The following ASIC2 variants were observed in gnomAD, a reference collection of about 807,000 sequenced individuals.
The protein encoded by ASIC2 is acid sensing ion channel subunit 2.
In ASIC2, 25 loss-of-function variants were observed where a neutral mutation model predicts 57.3. The observed-to-expected ratio is 0.44, with a 90% CI of 0.32 to 0.61. ASIC2 has a LOEUF of 0.61. Among genes scored for constraint, ASIC2 ranks in the 20% least tolerant of loss-of-function variants. ASIC2 has a pLI of 0.06. For synonymous variants in ASIC2, 319 were observed against 307.5 expected, an observed-to-expected ratio of 1.04 and a Z score of -0.39; for missense variants, 641 against 738.1, an observed-to-expected ratio of 0.87 and a Z score of 1.52.
chr17:33,962,029 C>G (rs144933478), intron 1 of ASIC2, among the ~76,000 whole-genome samples: 2 of 152,146 alleles, frequency 1.3e-5, no homozygotes, highest in African/African-American at 4.8e-5. Flanking sequence ...GAGGACCTCA[C>G]GGCAGTTCCT....
intron 1 of ASIC2, among the ~76,000 whole-genome samples, chr17:34,021,583 T>C (rs1907159848): frequency 1.3e-5 from 2 of 152,188 alleles, no homozygotes; most frequent in Admixed American, 6.5e-5. Flanking sequence ...GAGGAAACTC[T>C]TGTTCCCTTG....
At chr17:34,014,043 C>T (rs541537224) in intron 1 of ASIC2, among the ~76,000 whole-genome samples, 2 of 152,262 alleles carry the variant, frequency 1.3e-5, no homozygotes, top group African/African-American at 4.8e-5. Flanking sequence ...GGGAGTCTCC[C>T]CTTCCTTTTC....
chr17:33,318,492 C>G (rs1287656153), intron 1 of ASIC2, among the ~76,000 whole-genome samples: 1 of 152,174 alleles, frequency 6.6e-6, no homozygotes, highest in African/African-American at 2.4e-5. Context: ...GCTGCCCTCC[C>G]TCGTTTGGGT....
intron 1 of ASIC2, among the ~76,000 whole-genome samples, chr17:33,733,160 C>G (rs1002196242): frequency 6.6e-6 from 1 of 152,160 alleles, no homozygotes; most frequent in African/African-American, 2.4e-5. Context: ...ACCCTGTCCC[C>G]TCACTTCTGA....
At chr17:33,208,936 C>T (rs967856551) in intron 1 of ASIC2, among the ~76,000 whole-genome samples, 6 of 152,154 alleles carry the variant, frequency 3.9e-5, no homozygotes, top group Admixed American at 3.9e-4. Flanking sequence ...GGTTGCCTTC[C>T]TTTCCTGTCT....
chr17:33,868,978 T>C (rs547598766), intron 1 of ASIC2, among the ~76,000 whole-genome samples: 1 of 152,092 alleles, frequency 6.6e-6, no homozygotes, highest in Non-Finnish European at 1.5e-5. Context: ...GGTTGGAGGA[T>C]CACTTGAGCC....
chr17:33,539,880 G>A lies in ASIC2; in HGVS notation c.556-427813C>T, dbSNP rs144939821. 5.4e-3 allele frequency among the ~76,000 whole-genome samples: 819 copies of A among 152,286 alleles called. 5 individuals are homozygous for A. Among genetic ancestry groups the A allele is most frequent in the African/African-American group, 0.019 (778 of 41,554 alleles). On this transcript the variant is annotated intron_variant, in intron 1 of 9. Coordinates refer to the ASIC2 transcript ENST00000359872. ...GAATGAGTGACAAGGGACTTCTGTC[G>A]AAAAGGTGCTATCCAGGCTGAGGAG...
chr17:33,245,009 G>T (rs1908641252), intron 1 of ASIC2, among the ~76,000 whole-genome samples: 1 of 152,146 alleles, frequency 6.6e-6, no homozygotes, highest in Non-Finnish European at 1.5e-5. Flanking sequence ...GTCACGTGGG[G>T]GTGTTTTTAG....
At chr17:33,063,302 G>C (rs1295772216) in intron 3 of ASIC2, among the ~76,000 whole-genome samples, 1 of 152,200 alleles carries the variant, frequency 6.6e-6, no homozygotes, top group East Asian at 1.9e-4. Context: ...GCTGGTACCA[G>C]CTGTTCCTTT....
In ASIC2 at chr17:33,830,147, T is replaced by A. The variant is rs375706765; in HGVS notation, c.555+325831A>T. ...CTTATAATTAAGCTGAAATCTGGCTTCCTCAGATTTTTTTTTCTTGGCTTG... is the reference window on the plus strand; with the variant it reads ...CTTATAATTAAGCTGAAATCTGGCTACCTCAGATTTTTTTTTCTTGGCTTG... On this transcript the variant is annotated intron_variant, in intron 1 of 9. Transcript: ENST00000359872. 5.3e-5 allele frequency among the ~76,000 whole-genome samples: 8 copies of A among 152,284 alleles called. No individual in the cohort carries two copies. In the East Asian group the frequency reaches 1.5e-3, roughly 29 times the overall value.
intron 1 of ASIC2, among the ~76,000 whole-genome samples, chr17:33,804,931 G>T (rs1310864427): frequency 9.3e-5 from 14 of 151,236 alleles, no homozygotes; most frequent in Admixed American, 9.2e-4. Context: ...ATCTGATTAG[G>T]CTCTGTATCC....
chr17:33,674,716 G>A (rs577486273), intron 1 of ASIC2, among the ~76,000 whole-genome samples: 151 of 152,264 alleles, frequency 9.9e-4, no homozygotes, highest in Non-Finnish European at 1.4e-3. Context: ...AATCCATGCC[G>A]CTCGTTCTGT....
At chr17:33,294,201 A>G (rs1905627565), upstream of ASIC2, among the ~76,000 whole-genome samples, 1 of 152,102 alleles carries the variant, frequency 6.6e-6, no homozygotes, top group Admixed American at 6.5e-5. Flanking sequence ...CCATTACTCC[A>G]TGAGATAAAG....
intron 1 of ASIC2, among the ~76,000 whole-genome samples, chr17:33,601,185 G>A (rs1905107795): frequency 6.6e-6 from 1 of 152,190 alleles, no homozygotes; most frequent in Non-Finnish European, 1.5e-5. Context: ...GTTTAGGAAA[G>A]CAAACTAGGG....
At chr17:33,799,381 T>C (rs2881780) in intron 1 of ASIC2, among the ~76,000 whole-genome samples, 9,125 of 34,296 alleles carry the variant, frequency 0.27, 458 homozygotes, top group Non-Finnish European at 0.31. Context: ...TTTCTTCCTT[T>C]CTTTCTTTCT....
chr17:33,769,679 C>T (rs1911038045), intron 1 of ASIC2, among the ~76,000 whole-genome samples: 1 of 152,218 alleles, frequency 6.6e-6, no homozygotes, highest in South Asian at 2.1e-4. Context: ...TATGGATTTT[C>T]CCTGATTAAA....
At chr17:33,421,706 G>A (rs2141971979) in intron 1 of ASIC2, among the ~76,000 whole-genome samples, 1 of 152,320 alleles carries the variant, frequency 6.6e-6, no homozygotes, top group Middle Eastern at 3.4e-3. Context: ...ATGGATCAGG[G>A]AAGAACAGGA....
chr17:33,153,846 T>C (rs935791540), intron 1 of ASIC2, among the ~76,000 whole-genome samples: 1 of 152,128 alleles, frequency 6.6e-6, no homozygotes, highest in Non-Finnish European at 1.5e-5. Context: ...CCATGTGAAT[T>C]TGGGGGGCCT....
intron 1 of ASIC2, among the ~76,000 whole-genome samples, chr17:34,139,565 A>T (rs184956862): frequency 7.3e-4 from 90 of 123,102 alleles, no homozygotes; most frequent in African/African-American, 2.5e-3. Context: ...AGAGTGGAAT[A>T]TCATTTGATA....
Sources: allele counts gnomAD v4.1 joint callset (sites outside exome capture counted in the v4.1 genomes callset), GRCh38; gene constraint gnomAD v4.1.1; transcripts MANE v1.5; gene names NCBI Gene and HGNC (gene_info 2026-07-23, HGNC 2026-07-21).